The following NOG variants were observed in gnomAD, a reference collection of about 807,000 sequenced individuals.
NOG encodes the protein noggin, also known as symphalangism 1 (proximal).
In NOG, 2 loss-of-function variants were observed where a neutral mutation model predicts 17.9. That is an observed-to-expected ratio of 0.11 (90% CI 0.05 to 0.35). The LOEUF (loss-of-function observed/expected upper bound fraction) is 0.35, where lower values mean the gene tolerates loss of function less well. Among genes scored for constraint, NOG ranks in the 10% least tolerant of loss-of-function variants. NOG has a pLI of 1.00. For missense variants in NOG, 266 were observed against 318.6 expected (o/e 0.83, Z 1.26); for synonymous variants, 166 against 148.7 (o/e 1.12, Z -0.85).
Position 56,594,992 on chromosome 17 carries a change from A to G in NOG, c.*70A>G. 1 of 1,026,438 alleles carries G rather than the reference A, an allele frequency of 9.7e-7. No individual in the cohort carries two copies. Among genetic ancestry groups the G allele is most frequent in the South Asian group, 1.4e-5 (1 of 71,592 alleles). The allele number at this position is 1,026,438 out of a possible 1,614,324, so 63.6% of individuals were successfully genotyped here. On this transcript the variant is annotated 3_prime_UTR_variant, in exon 1 of 1. Coordinates refer to ENST00000332822, the MANE Select transcript of NOG (RefSeq NM_005450.6). The stretch of plus-strand genomic sequence containing the variant: ...CACCGACGCCCCCTGCACCGCCTCC[A>G]ACCAGTTCCACCACCCTCTAGCGAG...
Position 56,594,586 on chromosome 17 carries a change from A to G in NOG, c.363A>G (p.Lys121=), listed in dbSNP as rs769458009. The G allele has an allele frequency of 1.1e-5, 17 of 1,607,412 alleles. No homozygotes were observed. In the Admixed American group the frequency reaches 2.9e-4, roughly 27 times the overall value. ...RPSGAMPSEI[K]GLEFSEGLAQ... ...CGGGGGCCATGCCGAGCGAGATCAAAGGGCTAGAGTTCTCCGAGGGCTTGG... is the reference window on the plus strand; with the variant it reads ...CGGGGGCCATGCCGAGCGAGATCAAGGGGCTAGAGTTCTCCGAGGGCTTGG... Residue 121 remains lysine (K), a synonymous_variant, in exon 1 of 1, where the codon AAA becomes AAG. Transcript: ENST00000332822.
In NOG at chr17:56,593,731, C is replaced by T. The variant is rs1402670879; in HGVS notation, c.-493C>T. On this transcript the variant is annotated 5_prime_UTR_variant, in exon 1 of 1. Coordinates refer to ENST00000332822, the MANE Select transcript of NOG (RefSeq NM_005450.6). ...TGCCAACGTGCGCGGACGCCGCCGCCGCCGCCGCCGCTGGAGTCCGCCGGG... is the reference window on the plus strand; with the variant it reads ...TGCCAACGTGCGCGGACGCCGCCGCTGCCGCCGCCGCTGGAGTCCGCCGGG... The T allele has an allele frequency of 1.1e-5, 2 of 179,852 alleles. No individual in the cohort carries two copies. The highest frequency in any genetic ancestry group is 6.5e-5 in the Admixed American group (1 of 15,462). 11.1% of individuals were successfully genotyped at this position (179,852 alleles called of 1,614,324 possible).
In NOG at chr17:56,594,086, T is replaced by A. The variant is rs2052463528; in HGVS notation, c.-138T>A. The stretch of plus-strand genomic sequence containing the variant: ...CGCGAAGGGCTCTCCCGGCGGCTCA[T>A]GCTGCCGGCCCTGCGCCTGCCCAGC... On this transcript the variant is annotated 5_prime_UTR_variant, in exon 1 of 1. An upstream start codon of the reference 5' UTR is lost. Coordinates refer to ENST00000332822, the MANE Select transcript of NOG (RefSeq NM_005450.6). The A allele has an allele frequency of 3.2e-6, 2 of 623,476 alleles. No homozygotes were observed. The highest frequency in any genetic ancestry group is 5.0e-6 in the Non-Finnish European group (2 of 398,662). The allele number at this position is 623,476 out of a possible 1,614,324, so 38.6% of individuals were successfully genotyped here.
chr17:56,594,388 C>T lies in NOG; in HGVS notation c.165C>T (p.Asp55=), dbSNP rs765062428. ...TCGAACACCCAGACCCTATCTTTGA[C>T]CCCAAGGAAAAGGATCTGAACGAGA... ...DLIEHPDPIF[D]PKEKDLNETL... is the part of the protein sequence containing the mutation. The change falls in exon 1 of 1, where the codon GAC becomes GAT. Residue 55 remains aspartate (D), a synonymous_variant. Transcript: ENST00000332822. 6.2e-6 allele frequency: 10 copies of T among 1,613,266 alleles called. No individual in the cohort carries two copies. The East Asian group carries it at 8.9e-5, about 14-fold the overall frequency.
chr17:56,594,567 C>T lies in NOG; in HGVS notation c.344C>T (p.Ala115Val). Residue 115 changes from alanine (A) to valine (V), a missense_variant, in exon 1 of 1, where the codon GCC (alanine) becomes GTC (valine). Around this residue, in one of 2 missense-constraint regions of NOG, gnomAD observed 192 missense variants for 197.6 expected, o/e 0.97. Coordinates refer to ENST00000332822, the MANE Select transcript of NOG (RefSeq NM_005450.6). The stretch of plus-strand genomic sequence containing the variant: ...CTGCTGCGGCAGCGGCCGTCGGGGG[C>T]CATGCCGAGCGAGATCAAAGGGCTA... ...DQLLRQRPSG[A>V]MPSEIKGLEF... The T allele has an allele frequency of 4.4e-6, 7 of 1,596,068 alleles. 1 individual carries two copies. The highest frequency in any genetic ancestry group is 6.0e-6 in the Non-Finnish European group (7 of 1,170,992).
Position 56,594,442 on chromosome 17 carries a change from C to T in NOG, c.219C>T (p.His73=). The change falls in exon 1 of 1, where the codon CAC becomes CAT. Residue 73 remains histidine (H), a synonymous_variant. Coordinates refer to ENST00000332822, the MANE Select transcript of NOG (RefSeq NM_005450.6). ...TGCTGCGCTCGCTGCTCGGGGGCCA[C>T]TACGACCCAGGCTTCATGGCCACCT... ...ETLLRSLLGG[H]YDPGFMATSP... 1 of 1,613,044 alleles carries T rather than the reference C, an allele frequency of 6.2e-7. No homozygotes were observed. Among genetic ancestry groups the T allele is most frequent in the East Asian group, 2.2e-5 (1 of 44,836 alleles).
At position 56,594,870 on chromosome 17, in the gene NOG, G is replaced by T; in HGVS notation, c.647G>T (p.Gly216Val). The change falls in exon 1 of 1, where the codon GGC becomes GTC. Residue 216 changes from glycine to valine, a missense_variant. By Grantham distance (109) the Gly-to-Val change is moderately radical. Transcript: ENST00000332822. ...RCQRRGGQRC[G>V]WIPIQYPIIS... ...CAGCGGCGCGGGGGCCAGCGCTGCG[G>T]CTGGATTCCCATCCAGTACCCCATC... 1.2e-6 allele frequency: 2 copies of T among 1,604,564 alleles called. No homozygotes were observed. Among genetic ancestry groups the T allele is most frequent in the Non-Finnish European group, 1.7e-6 (2 of 1,175,614 alleles).
In NOG at chr17:56,593,760, A is replaced by G; in HGVS notation, c.-464A>G. The G allele has an allele frequency of 5.5e-6, 1 of 182,388 alleles. No individual in the cohort carries two copies. Among genetic ancestry groups the G allele is most frequent in the Non-Finnish European group, 1.1e-5 (1 of 89,944 alleles). The allele number at this position is 182,388 out of a possible 1,614,324, so 11.3% of individuals were successfully genotyped here. ...GCCGCCGCTGGAGTCCGCCGGGCAG[A>G]GCCGGCCGCGGAGCCCGGAGCAGGC... On this transcript the variant is annotated 5_prime_UTR_variant, in exon 1 of 1. Transcript: ENST00000332822.
In NOG at chr17:56,594,532, G is replaced by C. The variant is rs2052469426; in HGVS notation, c.309G>C (p.Glu103Asp). The C allele has an allele frequency of 1.9e-6, 3 of 1,599,302 alleles. No individual in the cohort carries two copies. Among genetic ancestry groups the C allele is most frequent in the Admixed American group, 3.5e-5 (2 of 57,932 alleles). The change falls in exon 1 of 1, where the codon GAG becomes GAC. Residue 103 changes from glutamate (E) to aspartate (D), a missense_variant. Physicochemically the swap from Glu to Asp is conservative, Grantham distance 45. Coordinates refer to ENST00000332822, the MANE Select transcript of NOG (RefSeq NM_005450.6). ...GAAGGAEDLA[E>D]LDQLLRQRPS... ...CTGGGGGCGCGGAGGACCTGGCGGAGCTGGACCAGCTGCTGCGGCAGCGGC... is the reference window on the plus strand; with the variant it reads ...CTGGGGGCGCGGAGGACCTGGCGGACCTGGACCAGCTGCTGCGGCAGCGGC...
At position 56,594,092 on chromosome 17, in the gene NOG, C is replaced by G. The variant is rs1225013623; in HGVS notation, c.-132C>G. 4 of 663,488 alleles carry G rather than the reference C, an allele frequency of 6.0e-6. No homozygotes were observed. Among genetic ancestry groups the G allele is most frequent in the Non-Finnish European group, 9.3e-6 (4 of 432,050 alleles). 41.1% of individuals were successfully genotyped at this position (663,488 alleles called of 1,614,324 possible). ...GGGCTCTCCCGGCGGCTCATGCTGC[C>G]GGCCCTGCGCCTGCCCAGCCTCGGG... is the stretch of plus-strand genomic sequence containing the variant. On this transcript the variant is annotated 5_prime_UTR_variant, in exon 1 of 1. Coordinates refer to ENST00000332822, the MANE Select transcript of NOG (RefSeq NM_005450.6).
Position 56,593,869 on chromosome 17 carries a change from G to A in NOG, c.-355G>A, listed in dbSNP as rs2052460917. On this transcript the variant is annotated 5_prime_UTR_variant, in exon 1 of 1. Transcript: ENST00000332822. ...GAAGAGCAGCGAGAGGAGGAGGGGA[G>A]AGCGGCTCGTCCACGCGCCCTGCGC... The A allele has an allele frequency of 1.1e-5, 3 of 273,812 alleles. No homozygotes were observed. Among genetic ancestry groups the A allele is most frequent in the South Asian group, 1.3e-4 (2 of 15,168 alleles). 17.0% of individuals were successfully genotyped at this position (273,812 alleles called of 1,614,324 possible). A position where few individuals can be genotyped will look rare whatever the true frequency, so the allele number is the denominator to read the frequency against.
chr17:56,594,636 G>T lies in NOG; in HGVS notation c.413G>T (p.Ser138Ile). 1 of 1,613,874 alleles carries T rather than the reference G, an allele frequency of 6.2e-7. No individual in the cohort carries two copies. The highest frequency in any genetic ancestry group is 1.7e-4 in the Middle Eastern group (1 of 6,060). Reference protein sequence around the residue: ...GLAQGKKQRLSKKLRRKLQMW... With the variant: ...GLAQGKKQRLIKKLRRKLQMW... ...GCCCAGGGCAAGAAGCAGCGCCTAAGCAAGAAGCTGCGGAGGAAGTTACAG... is the reference window on the plus strand; with the variant it reads ...GCCCAGGGCAAGAAGCAGCGCCTAATCAAGAAGCTGCGGAGGAAGTTACAG... The change falls in exon 1 of 1, where the codon AGC (serine) becomes ATC (isoleucine). Residue 138 changes from serine to isoleucine, a missense_variant. By Grantham distance (142) the Ser-to-Ile change is moderately radical. Coordinates refer to ENST00000332822, the MANE Select transcript of NOG (RefSeq NM_005450.6).
chr17:56,594,145 C>T lies in NOG; in HGVS notation c.-79C>T. 7.8e-7 allele frequency: 1 copy of T among 1,280,784 alleles called. No individual in the cohort carries two copies. The highest frequency in any genetic ancestry group is 1.1e-6 in the Non-Finnish European group (1 of 950,024). The allele number at this position is 1,280,784 out of a possible 1,614,324, so 79.3% of individuals were successfully genotyped here. Reference sequence around the variant, plus strand: ...AGCCGCCTCCGGAGAGACGGGGGAGCGCGGCGGCGCCGCGGGCTCGGCGTG... The same window carrying T: ...AGCCGCCTCCGGAGAGACGGGGGAGTGCGGCGGCGCCGCGGGCTCGGCGTG... On this transcript the variant is annotated 5_prime_UTR_variant, in exon 1 of 1. Transcript: ENST00000332822.
In NOG at chr17:56,594,430, G is replaced by C; in HGVS notation, c.207G>C (p.Leu69=). The C allele has an allele frequency of 6.2e-7, 1 of 1,613,130 alleles. No homozygotes were observed. The highest frequency in any genetic ancestry group is 1.3e-5 in the African/African-American group (1 of 75,036). Reference sequence around the variant, plus strand: ...TGAACGAGACGCTGCTGCGCTCGCTGCTCGGGGGCCACTACGACCCAGGCT... The same window carrying C: ...TGAACGAGACGCTGCTGCGCTCGCTCCTCGGGGGCCACTACGACCCAGGCT... The part of the protein sequence containing the change: ...KDLNETLLRS[L]LGGHYDPGFM... The change falls in exon 1 of 1, where the codon CTG becomes CTC. Residue 69 remains leucine, a synonymous_variant. Coordinates refer to ENST00000332822, the MANE Select transcript of NOG (RefSeq NM_005450.6).
In NOG at chr17:56,594,190, G is replaced by A. The variant is rs1459727684; in HGVS notation, c.-34G>A. 2.0e-6 allele frequency: 3 copies of A among 1,525,392 alleles called. No homozygotes were observed. Among genetic ancestry groups the A allele is most frequent in the Non-Finnish European group, 2.6e-6 (3 of 1,132,332 alleles). The allele number at this position is 1,525,392 out of a possible 1,614,324, so 94.5% of individuals were successfully genotyped here. A position where few individuals can be genotyped will look rare whatever the true frequency, so the allele number is the denominator to read the frequency against. ...GGCGTGCTCTCCTCCGGGGACGCGG[G>A]ACGAAGCAGCAGCCCCGGGCGCGCG... On this transcript the variant is annotated 5_prime_UTR_variant, in exon 1 of 1. Transcript: ENST00000332822.
chr17:56,594,358 C>T lies in NOG; in HGVS notation c.135C>T (p.Asp45=). 4 of 1,613,386 alleles carry T rather than the reference C, an allele frequency of 2.5e-6. No individual in the cohort carries two copies. Among genetic ancestry groups the T allele is most frequent in the Non-Finnish European group, 3.4e-6 (4 of 1,179,824 alleles). ...CCAGCGACAACCTGCCCCTGGTGGA[C>T]CTCATCGAACACCCAGACCCTATCT... ...PAPSDNLPLV[D]LIEHPDPIFD... The change falls in exon 1 of 1, where the codon GAC becomes GAT. Residue 45 remains aspartate, a synonymous_variant. Transcript: ENST00000332822.
rs1260915979 is a variant in NOG, at chr17:56,593,803, G to A, written c.-421G>A. The A allele has an allele frequency of 1.0e-5, 2 of 196,296 alleles. No homozygotes were observed. The highest frequency in any genetic ancestry group is 4.7e-5 in the African/African-American group (2 of 42,246). The allele number at this position is 196,296 out of a possible 1,614,324, so 12.2% of individuals were successfully genotyped here. A position where few individuals can be genotyped will look rare whatever the true frequency, so the allele number is the denominator to read the frequency against. On this transcript the variant is annotated 5_prime_UTR_variant, in exon 1 of 1. Transcript: ENST00000332822. ...GAGCAGGCGGAGGGAAGTGCCCCTA[G>A]AACCAGCTCAGCCAGCGGCGCTTGC...
Position 56,595,365 on chromosome 17 carries a change from C to T in NOG, c.*443C>T. ...ATTTTTTTCTTGAAGTACAAAGAGA[C>T]GGGGGAACTTTTGTAGAGGACTTTT... On this transcript the variant is annotated 3_prime_UTR_variant, in exon 1 of 1. Coordinates refer to ENST00000332822, the MANE Select transcript of NOG (RefSeq NM_005450.6). 1 of 168,432 alleles carries T rather than the reference C, an allele frequency of 5.9e-6. No homozygotes were observed. The allele number at this position is 168,432 out of a possible 1,614,324, so 10.4% of individuals were successfully genotyped here.
rs747997574 is a variant in NOG at position 56,594,970 on chromosome 17, C to G, written c.*48C>G. The G allele has an allele frequency of 1.4e-6, 2 of 1,383,960 alleles. No homozygotes were observed. The highest frequency in any genetic ancestry group is 1.2e-5 in the South Asian group (1 of 80,670). 85.7% of individuals were successfully genotyped at this position (1,383,960 alleles called of 1,614,324 possible). Reference sequence around the variant, plus strand: ...ACCCGGACACTTGATCGATCCCCACCGACGCCCCCTGCACCGCCTCCAACC... The same window carrying G: ...ACCCGGACACTTGATCGATCCCCACGGACGCCCCCTGCACCGCCTCCAACC... On this transcript the variant is annotated 3_prime_UTR_variant, in exon 1 of 1. Coordinates refer to ENST00000332822, the MANE Select transcript of NOG (RefSeq NM_005450.6).
Sources: gnomAD v4.1 joint callset for allele counts on GRCh38, gnomAD v4.1.1 for gene constraint, gnomAD v4.1.1 regional missense constraint, MANE v1.5 for transcripts, NCBI Gene and HGNC (gene_info 2026-07-23, HGNC 2026-07-21) for gene names.